Variants in IL12RB1 observed in about 807,000 individuals in gnomAD.
IL12RB1 encodes the protein interleukin 12 receptor subunit beta 1.
Under a neutral mutation model 94.4 loss-of-function variants are expected in IL12RB1, and 64 were observed. The observed-to-expected ratio is 0.68, with a 90% CI of 0.55 to 0.83. The LOEUF (loss-of-function observed/expected upper bound fraction) is 0.83. Among genes scored for constraint, IL12RB1 ranks in the 40% least tolerant of loss-of-function variants. The pLI, the probability that IL12RB1 is intolerant of heterozygous loss-of-function variation, is 0.00. For missense variants in IL12RB1, 814 were observed against 855.6 expected, an observed-to-expected ratio of 0.95 and a Z score of 0.61; for synonymous variants, 362 against 355.5, an observed-to-expected ratio of 1.02 and a Z score of -0.21.
intron 1 of IL12RB1, among the ~76,000 whole-genome samples, chr19:18,096,924 C>G (rs572517911): frequency 6.6e-6 from 1 of 151,884 alleles, no homozygotes; most frequent in South Asian, 2.1e-4. Flanking sequence ...GCAGAAGGAT[C>G]TTTTGAGGCC....
chr19:18,067,470 TCATTTC>T (rs912820023), intron 11 of IL12RB1, among the ~76,000 whole-genome samples: 7 of 152,040 alleles, frequency 4.6e-5, no homozygotes, highest in Non-Finnish European at 7.4e-5. Context: ...TCAGTCACTG[TCATTTC>T]CCTTCCCTGG....
intron 3 of IL12RB1, among the ~76,000 whole-genome samples, chr19:18,081,587 A>AG (rs1006416790): frequency 3.0e-4 from 46 of 150,922 alleles, no homozygotes; most frequent in Non-Finnish European, 4.7e-4. Flanking sequence ...TGGGAGGCCA[A>AG]GGGGGGGTGG....
upstream of IL12RB1, chr19:18,090,745 C>T (rs1417877171): frequency 6.6e-6 from 1 of 152,310 alleles, no homozygotes; most frequent in Admixed American, 6.5e-5. Context: ...GTTGTTGTTC[C>T]CCAGTGGCCT....
At chr19:18,069,868 G>C (rs192848409) in intron 9 of IL12RB1, among the ~76,000 whole-genome samples, 155 bp from the exon 10 acceptor site, 12 of 152,158 alleles carry the variant, frequency 7.9e-5, no homozygotes, top group African/African-American at 2.9e-4. Flanking sequence ...CTGCACTGGA[G>C]GCTGCCTTGG....
intron 1 of IL12RB1, among the ~76,000 whole-genome samples, chr19:18,092,388 G>A (rs2036669620): frequency 1.3e-5 from 2 of 151,896 alleles, no homozygotes; most frequent in Admixed American, 1.3e-4. Context: ...TACTTGGGAG[G>A]CTGAGGCAAG....
At chr19:18,076,018 C>T in intron 6 of IL12RB1, 150 bp from the exon 7 acceptor site, 1 of 753,376 alleles carries the variant, frequency 1.3e-6, no homozygotes, top group Non-Finnish European at 2.4e-6. Flanking sequence ...CAGGCCCTGT[C>T]CTCTTAGGGC....
Position 18,068,404 on chromosome 19 carries a change from G to A in IL12RB1, c.1312C>T (p.His438Tyr), listed in dbSNP as rs375654921. The A allele has an allele frequency of 2.5e-5, 41 of 1,612,522 alleles. No individual in the cohort carries two copies. The East Asian group carries it at 9.1e-4, about 36-fold the overall frequency. The change falls in exon 11 of 17, where the codon CAC (histidine) becomes TAC (tyrosine). Residue 438 changes from histidine to tyrosine, a missense_variant. Transcript: ENST00000593993. Reference sequence around the variant, plus strand: ...GGTCACTTACCATTGCCCCCAAAGTGGTAGGTGGACAGGACCGTAGACCAC... The same window carrying A: ...GGTCACTTACCATTGCCCCCAAAGTAGTAGGTGGACAGGACCGTAGACCAC... ...TLWSTVLSTY[H>Y]FGGNASAAGT...
chr19:18,072,671 G>A (rs1456286896), intron 8 of IL12RB1, among the ~76,000 whole-genome samples: 1 of 152,042 alleles, frequency 6.6e-6, no homozygotes, highest in Non-Finnish European at 1.5e-5. Flanking sequence ...TGAGAGGCCG[G>A]GCACGGGGGC....
chr19:18,069,142 C>T (rs2034821765), intron 10 of IL12RB1, among the ~76,000 whole-genome samples: 1 of 152,182 alleles, frequency 6.6e-6, no homozygotes, highest in African/African-American at 2.4e-5. Context: ...GGGGCTCTGG[C>T]AAGGCCCAGA....
intron 4 of IL12RB1, among the ~76,000 whole-genome samples, chr19:18,080,331 C>T (rs888677117): frequency 8.5e-5 from 13 of 152,096 alleles, no homozygotes; most frequent in Non-Finnish European, 7.4e-5. Flanking sequence ...CTCCACCTCC[C>T]GGGTTCAAGC....
chr19:18,094,085 T>C (rs915570742), intron 1 of IL12RB1, among the ~76,000 whole-genome samples: 3 of 152,210 alleles, frequency 2.0e-5, no homozygotes, highest in Non-Finnish European at 4.4e-5. Context: ...CCCAGTTAAA[T>C]TGGAATTTCA....
chr19:18,085,394 G>C (rs779030578), intron 1 of IL12RB1, among the ~76,000 whole-genome samples: 4 of 121,094 alleles, frequency 3.3e-5, no homozygotes, highest in Non-Finnish European at 6.5e-5. Context: ...TCCCTGGACT[G>C]ACCACTCACT....
chr19:18,079,913 A>C (rs541851245), intron 4 of IL12RB1, among the ~76,000 whole-genome samples: 2 of 152,102 alleles, frequency 1.3e-5, no homozygotes, highest in African/African-American at 4.8e-5. Flanking sequence ...AAGAAAAAAG[A>C]AAAAAAGATT....
At chr19:18,076,762 A>G (rs2035509732) in intron 5 of IL12RB1, among the ~76,000 whole-genome samples, 1 of 152,198 alleles carries the variant, frequency 6.6e-6, no homozygotes, top group Non-Finnish European at 1.5e-5. Flanking sequence ...GTTAATTACT[A>G]GAGAACCTTC....
chr19:18,059,666 G>T, intron 16 of IL12RB1, 53 bp from the exon 17 acceptor site: 1 of 779,876 alleles, frequency 1.3e-6, no homozygotes, highest in South Asian at 1.3e-5. Context: ...TAGGGATTTG[G>T]TAGGGAATCA....
At chr19:18,097,842 T>A in intron 1 of IL12RB1, 2 of 1,223,854 alleles carry the variant, frequency 1.6e-6, no homozygotes. Flanking sequence ...GTGAGGCCCC[T>A]GCGCGGGCGG....
chr19:18,077,702 G>A lies in IL12RB1; in HGVS notation c.410-47C>T, dbSNP rs565392581. On this transcript the variant is annotated intron_variant, in intron 4 of 16. Coordinates refer to ENST00000593993, the MANE Select transcript of IL12RB1 (RefSeq NM_005535.3). ...GGCGAGGGGCAGCCCACACGTATGT[G>A]AGTTAATGGGCCCTGAAAATCCACC... 1.1e-5 allele frequency: 14 copies of A among 1,232,806 alleles called. No individual in the cohort carries two copies. In the African/African-American group the frequency reaches 1.5e-4, roughly 13 times the overall value. 76.4% of individuals were successfully genotyped at this position (1,232,806 alleles called of 1,614,324 possible).
intron 4 of IL12RB1, among the ~76,000 whole-genome samples, chr19:18,078,665 G>A (rs2146352143): frequency 6.6e-6 from 1 of 152,014 alleles, no homozygotes; most frequent in East Asian, 2.0e-4. Context: ...ATGAGCCACT[G>A]TGTCCAGCCA....
rs753720796 is a variant in IL12RB1 at position 18,059,559 on chromosome 19, G to A, written c.*49C>T. On this transcript the variant is annotated 3_prime_UTR_variant, in exon 17 of 17. Transcript: ENST00000593993. Reference sequence around the variant, plus strand: ...TTGGGTCCAAATGTGACTCCTGTGTGTGCTACGTAGCCTCGGGCGAGTCAC... The same window carrying A: ...TTGGGTCCAAATGTGACTCCTGTGTATGCTACGTAGCCTCGGGCGAGTCAC... 1 of 777,880 alleles carries A rather than the reference G, an allele frequency of 1.3e-6. No individual in the cohort carries two copies. The allele number at this position is 777,880 out of a possible 1,614,324, so 48.2% of individuals were successfully genotyped here.
Sources: allele counts gnomAD v4.1 joint callset (sites outside exome capture counted in the v4.1 genomes callset), GRCh38; gene constraint gnomAD v4.1.1; transcripts MANE v1.5; gene names NCBI Gene and HGNC (gene_info 2026-07-23, HGNC 2026-07-21).